CCDC191: variants seen among roughly 807,000 people sequenced by gnomAD.
The protein encoded by CCDC191 is coiled-coil domain-containing protein 191.
In CCDC191, 99 loss-of-function variants were observed where a neutral mutation model predicts 114.0. The observed-to-expected ratio is 0.87, with a 90% CI of 0.74 to 1.03. CCDC191 has a LOEUF of 1.03. Ranked by LOEUF, CCDC191 falls within the 50% of genes least tolerant of loss-of-function variation. CCDC191 has a pLI of 0.00. For missense variants in CCDC191, 973 were observed against 1,087.0 expected, an observed-to-expected ratio of 0.90 and a Z score of 1.47; for synonymous variants, 351 against 376.0, an observed-to-expected ratio of 0.93 and a Z score of 0.77.
At chr3:114,004,202 ATAT>A in intron 11 of CCDC191, 2 of 968,338 alleles carry the variant, frequency 2.1e-6, no homozygotes, top group Non-Finnish European at 2.5e-6. Flanking sequence ...ACAAGTTATA[ATAT>A]TATAAAATAA....
At chr3:114,030,201 T>C (rs1439347492) in intron 7 of CCDC191, among the ~76,000 whole-genome samples, 1 of 152,216 alleles carries the variant, frequency 6.6e-6, no homozygotes, top group Non-Finnish European at 1.5e-5. Flanking sequence ...CTGTTTTCGA[T>C]TGGCCACTAA....
chr3:114,048,022 TC>T (rs2076653544), intron 2 of CCDC191, among the ~76,000 whole-genome samples: 1 of 151,844 alleles, frequency 6.6e-6, no homozygotes, highest in Non-Finnish European at 1.5e-5. Context: ...ACCCCTAACT[TC>T]CCCCTCCCAG....
At chr3:114,003,133 T>C (rs1270354565) in intron 11 of CCDC191, 12 of 985,294 alleles carry the variant, frequency 1.2e-5, no homozygotes, top group Admixed American at 6.2e-5. Context: ...CTGAATGAAT[T>C]TGAGTGTCAG....
chr3:114,053,582 T>C lies in CCDC191; in HGVS notation c.129+15A>G. ...TCTTAATACTCTTTTTATTCTAAAT[T>C]TGAAATATCCTTACCTTTATCCAGT... On this transcript the variant is annotated intron_variant, in intron 2 of 16. Transcript: ENST00000295878. The C allele has an allele frequency of 6.6e-7, 1 of 1,525,728 alleles. No homozygotes were observed. Among genetic ancestry groups the C allele is most frequent in the South Asian group, 1.2e-5 (1 of 85,368 alleles). The allele number at this position is 1,525,728 out of a possible 1,614,324, so 94.5% of individuals were successfully genotyped here. A position where few individuals can be genotyped will look rare whatever the true frequency, so the allele number is the denominator to read the frequency against.
Position 113,965,201 on chromosome 3 carries a change from T to G in CCDC191, c.2765A>C (p.Gln922Pro), listed in dbSNP as rs745773307. ...VPGRYHELYQ[Q>P]SDTWSLSKTS... The stretch of plus-strand genomic sequence containing the variant: ...CTTACTCAAGGACCAAGTATCTGAT[T>G]GCTGATATAGCTCGTGGTACCTTCC... The change falls in exon 17 of 17, where the codon CAA (glutamine) becomes CCA (proline). Residue 922 changes from glutamine (Q) to proline (P), a missense_variant. By Grantham distance (76) the Gln-to-Pro change is moderately conservative (BLOSUM62 -1). Transcript: ENST00000295878. 15 of 1,610,578 alleles carry G rather than the reference T, an allele frequency of 9.3e-6. No individual in the cohort carries two copies. In the South Asian group the frequency reaches 1.4e-4, roughly 15 times the overall value.
chr3:114,032,603 T>C (rs898249058), intron 6 of CCDC191, among the ~76,000 whole-genome samples: 8 of 152,250 alleles, frequency 5.3e-5, no homozygotes, highest in African/African-American at 1.4e-4. Context: ...CTTGAACTTT[T>C]AGTTCACAGT....
At chr3:114,003,875 A>C in intron 11 of CCDC191, 1 of 985,466 alleles carries the variant, frequency 1.0e-6, no homozygotes, top group Non-Finnish European at 1.2e-6. Context: ...CACCACATGC[A>C]AACATAAGTA....
intron 16 of CCDC191, among the ~76,000 whole-genome samples, chr3:113,967,724 T>C (rs1379613543): frequency 1.3e-5 from 2 of 152,176 alleles, no homozygotes; most frequent in Non-Finnish European, 2.9e-5. Flanking sequence ...CTATTGAACA[T>C]TAGGCCTTAT....
At chr3:114,006,724 C>T (rs888116025) in intron 9 of CCDC191, among the ~76,000 whole-genome samples, 8 of 150,748 alleles carry the variant, frequency 5.3e-5, no homozygotes, top group Admixed American at 1.3e-4. Flanking sequence ...TATTCTTTCT[C>T]GAGAATGTCT....
At chr3:114,055,464 A>G (rs2107772999) in intron 1 of CCDC191, among the ~76,000 whole-genome samples, 1 of 152,360 alleles carries the variant, frequency 6.6e-6, no homozygotes, top group East Asian at 1.9e-4. Context: ...CATATTTGTC[A>G]TGTGGAATAT....
chr3:113,982,587 G>A (rs1056050107), intron 13 of CCDC191, among the ~76,000 whole-genome samples: 1 of 151,912 alleles, frequency 6.6e-6, no homozygotes, highest in African/African-American at 2.4e-5. Flanking sequence ...TAAATGTGTA[G>A]CTTTGTCAGC....
chr3:114,003,524 G>A (rs2107661755), intron 11 of CCDC191: 1 of 985,302 alleles, frequency 1.0e-6, no homozygotes, highest in Non-Finnish European at 1.2e-6. Context: ...AGAGTCTCTG[G>A]TAATATGCCC....
chr3:113,978,185 C>A lies in CCDC191; in HGVS notation c.2606+1G>T. The stretch of plus-strand genomic sequence containing the variant: ...AATTTTCCTCACTATCAAAACCTCA[C>A]CTGTCACTGTGCTCCGCTGCAATCT... On this transcript the variant is annotated splice_donor_variant, in intron 16 of 16. Coordinates refer to ENST00000295878, the MANE Select transcript of CCDC191 (RefSeq NM_020817.2). LOFTEE classifies it high-confidence loss of function. 1.2e-6 allele frequency: 2 copies of A among 1,613,934 alleles called. No homozygotes were observed. The highest frequency in any genetic ancestry group is 1.7e-6 in the Non-Finnish European group (2 of 1,179,896).
At chr3:113,992,733 AAAAG>A (rs1165157928) in intron 13 of CCDC191, among the ~76,000 whole-genome samples, 1 of 152,204 alleles carries the variant, frequency 6.6e-6, no homozygotes, top group Non-Finnish European at 1.5e-5. Flanking sequence ...ATAATAAAAA[AAAAG>A]AATTAATGCC....
chr3:114,012,604 CA>C (rs996321335), intron 8 of CCDC191, among the ~76,000 whole-genome samples: 3 of 151,936 alleles, frequency 2.0e-5, no homozygotes, highest in South Asian at 2.1e-4. Context: ...AAATAGTGAA[CA>C]AAAAAACCCT....
intron 8 of CCDC191, among the ~76,000 whole-genome samples, chr3:114,017,706 G>A (rs1210802704): frequency 6.6e-6 from 1 of 152,160 alleles, no homozygotes; most frequent in South Asian, 2.1e-4. Flanking sequence ...GACACAGAGA[G>A]GGGAACAGCA....
At chr3:114,006,546 A>G (rs1006433620) in intron 9 of CCDC191, among the ~76,000 whole-genome samples, 2 of 144,558 alleles carry the variant, frequency 1.4e-5, no homozygotes, top group Non-Finnish European at 3.0e-5. Context: ...ATAAATTTCT[A>G]ATTTGGACAG....
intron 2 of CCDC191, 31 bp downstream of exon 2, chr3:114,053,566 T>C: frequency 1.4e-6 from 2 of 1,400,814 alleles, no homozygotes; most frequent in Non-Finnish European, 2.0e-6. Flanking sequence ...CTCTTAATAC[T>C]CTTTTTATTC....
Position 114,013,314 on chromosome 3 carries a change from A to G in CCDC191, c.1164-2293T>C, listed in dbSNP as rs544039582. Among the ~76,000 whole-genome samples the G allele has an allele frequency of 3.3e-5, 5 of 152,250 alleles. No homozygotes were observed. The South Asian group carries it at 1.0e-3, about 32-fold the overall frequency. On this transcript the variant is annotated intron_variant, in intron 8 of 16. Coordinates refer to ENST00000295878, the MANE Select transcript of CCDC191 (RefSeq NM_020817.2). The stretch of plus-strand genomic sequence containing the variant: ...TTACGATATCTGTATTTGTGGTTTG[A>G]GGCAGAAAGGCAGAAGCACAGAAGC...
Sources: gnomAD v4.1 joint callset for allele counts (sites outside exome capture counted in the v4.1 genomes callset) on GRCh38, gnomAD v4.1.1 for gene constraint, MANE v1.5 for transcripts, NCBI Gene and HGNC (gene_info 2026-07-23, HGNC 2026-07-21) for gene names.